The following EDNRA variants were observed in gnomAD, a reference collection of about 807,000 sequenced individuals.
EDNRA encodes endothelin-1 receptor.
EDNRA carries 11 observed loss-of-function variants against 41.4 expected under a neutral mutation model. That is an observed-to-expected ratio of 0.27 (90% CI 0.17 to 0.44). The LOEUF (loss-of-function observed/expected upper bound fraction) is 0.44. Among genes scored for constraint, EDNRA ranks in the 20% least tolerant of loss-of-function variants. The pLI is 1.00. For missense variants in EDNRA, 294 were observed against 531.0 expected, an observed-to-expected ratio of 0.55 and a Z score of 4.39; for synonymous variants, 172 against 183.0, an observed-to-expected ratio of 0.94 and a Z score of 0.49.
chr4:147,530,982 A>T (rs749307979), intron 3 of EDNRA, among the ~76,000 whole-genome samples: 7 of 152,228 alleles, frequency 4.6e-5, no homozygotes, highest in Non-Finnish European at 8.8e-5. Context: ...GGCCACAAAA[A>T]TACCATACCA....
At chr4:147,524,808 C>T (rs777795828) in intron 3 of EDNRA, among the ~76,000 whole-genome samples, 8 of 151,934 alleles carry the variant, frequency 5.3e-5, no homozygotes, top group South Asian at 2.1e-4. Context: ...AGCTTTCACA[C>T]GAGAGAATGA....
intron 5 of EDNRA, among the ~76,000 whole-genome samples, chr4:147,537,430 C>T (rs1248195232): frequency 1.3e-5 from 2 of 152,218 alleles, no homozygotes; most frequent in East Asian, 3.9e-4. Flanking sequence ...ACAATTATTT[C>T]CTCTCATTCT....
At chr4:147,482,080 AG>A (rs897536740) in intron 1 of EDNRA, among the ~76,000 whole-genome samples, 8 of 152,226 alleles carry the variant, frequency 5.3e-5, no homozygotes, top group African/African-American at 1.4e-4. Flanking sequence ...GTTGTCTCTA[AG>A]GAGAGTTGCT....
intron 2 of EDNRA, chr4:147,489,486 A>T (rs1312297522): frequency 6.6e-6 from 1 of 152,238 alleles, no homozygotes; most frequent in Non-Finnish European, 1.5e-5. Context: ...GGCACTATAA[A>T]GTATTCTTCC....
At chr4:147,538,721 G>T (rs928766054) in intron 5 of EDNRA, among the ~76,000 whole-genome samples, 3 of 147,894 alleles carry the variant, frequency 2.0e-5, no homozygotes, top group African/African-American at 7.5e-5. Flanking sequence ...ACTATGAGAG[G>T]TTAAAGAACT....
intron 2 of EDNRA, among the ~76,000 whole-genome samples, chr4:147,505,741 T>C (rs112238921): frequency 0.015 from 2,142 of 143,392 alleles, 54 homozygotes; most frequent in African/African-American, 0.05. Flanking sequence ...CTCCGCCTCC[T>C]GGGTTCACGT....
At chr4:147,533,818 TG>T (rs1486809396) in intron 4 of EDNRA, among the ~76,000 whole-genome samples, 1 of 152,098 alleles carries the variant, frequency 6.6e-6, no homozygotes, top group African/African-American at 2.4e-5. Context: ...CCAGACAAAA[TG>T]AAATGGGCTG....
intron 3 of EDNRA, among the ~76,000 whole-genome samples, chr4:147,522,553 A>G (rs907594027): frequency 5.9e-5 from 9 of 152,096 alleles, no homozygotes; most frequent in African/African-American, 2.2e-4. Flanking sequence ...CAAAAAAAAA[A>G]AAAAATTAGT....
At chr4:147,494,126 C>T (rs1485640112) in intron 2 of EDNRA, 1 of 152,092 alleles carries the variant, frequency 6.6e-6, no homozygotes, top group Non-Finnish European at 1.5e-5. Flanking sequence ...TACTAGAAGG[C>T]AATAAAGATG....
In EDNRA at chr4:147,535,890, T is replaced by G. The variant is rs1242317099; in HGVS notation, c.761T>G (p.Val254Gly). Residue 254 changes from valine to glycine, a missense_variant, in exon 5 of 8, where the codon GTA becomes GGA. This residue lies in a region of EDNRA where 185 missense variants were observed against 390.8 expected (regional missense o/e 0.47). Coordinates refer to ENST00000651419, the MANE Select transcript of EDNRA (RefSeq NM_001957.4). ...TSKFMEFYQD[V>G]KDWWLFGFYF... The stretch of plus-strand genomic sequence containing the variant: ...TTCACTTTGAAGTTCTACCAAGATG[T>G]AAAGGACTGGTGGCTCTTCGGGTTC... 11 of 1,613,554 alleles carry G rather than the reference T, an allele frequency of 6.8e-6. No individual in the cohort carries two copies. The highest frequency in any genetic ancestry group is 8.5e-6 in the Non-Finnish European group (10 of 1,179,812).
chr4:147,513,035 G>A (rs973570578), intron 2 of EDNRA, among the ~76,000 whole-genome samples: 1 of 152,194 alleles, frequency 6.6e-6, no homozygotes, highest in Non-Finnish European at 1.5e-5. Context: ...TTATAGAAGA[G>A]AAAACTAACA....
At chr4:147,528,357 CTT>C (rs755450847) in intron 3 of EDNRA, among the ~76,000 whole-genome samples, 12 of 119,388 alleles carry the variant, frequency 1.0e-4, no homozygotes, top group Non-Finnish European at 1.7e-4. Flanking sequence ...TTCTTGCTTT[CTT>C]TTTTTTTTTT....
chr4:147,523,135 G>C (rs1730384048), intron 3 of EDNRA, among the ~76,000 whole-genome samples: 1 of 152,204 alleles, frequency 6.6e-6, no homozygotes, highest in Admixed American at 6.5e-5. Flanking sequence ...TGGAAGCCAA[G>C]GTTCTATGTA....
At chr4:147,510,369 C>T (rs1033158647) in intron 2 of EDNRA, among the ~76,000 whole-genome samples, 3 of 152,178 alleles carry the variant, frequency 2.0e-5, no homozygotes, top group Admixed American at 2.0e-4. Flanking sequence ...AGAGATACAA[C>T]ATATATCAAA....
At chr4:147,509,776 G>A (rs142858687) in intron 2 of EDNRA, among the ~76,000 whole-genome samples, 2 of 152,102 alleles carry the variant, frequency 1.3e-5, no homozygotes, top group East Asian at 3.9e-4. Flanking sequence ...AACCCTAGAT[G>A]GGACCATCTA....
In EDNRA at chr4:147,544,427, T is replaced by C. The variant is rs1731220411; in HGVS notation, c.*1809T>C. On this transcript the variant is annotated 3_prime_UTR_variant, in exon 8 of 8. Coordinates refer to ENST00000651419, the MANE Select transcript of EDNRA (RefSeq NM_001957.4). The stretch of plus-strand genomic sequence containing the variant: ...TATATTGTTCTTATCCTCAATTCAA[T>C]GTGGTGATGAAATTGCCAGGTTGTC... 1 of 152,724 alleles carries C rather than the reference T, an allele frequency of 6.5e-6. No homozygotes were observed. The highest frequency in any genetic ancestry group is 1.5e-5 in the Non-Finnish European group (1 of 68,040). The allele number at this position is 152,724 out of a possible 1,614,324, so 9.5% of individuals were successfully genotyped here. A position where few individuals can be genotyped will look rare whatever the true frequency, so the allele number is the denominator to read the frequency against.
At chr4:147,513,858 C>T (rs6821368) in intron 2 of EDNRA, among the ~76,000 whole-genome samples, 58,629 of 152,012 alleles carry the variant, frequency 0.39, 16,538 homozygotes, top group African/African-American at 0.81. Flanking sequence ...AGAGGAAAAT[C>T]AGCACAAAGA....
At chr4:147,507,524 G>A (rs1450787290) in intron 2 of EDNRA, among the ~76,000 whole-genome samples, 1 of 152,208 alleles carries the variant, frequency 6.6e-6, no homozygotes, top group Non-Finnish European at 1.5e-5. Flanking sequence ...ATGGTTGCCA[G>A]GGGTTGGGAA....
chr4:147,504,596 G>A (rs539146249), intron 2 of EDNRA, among the ~76,000 whole-genome samples: 4 of 151,722 alleles, frequency 2.6e-5, no homozygotes, highest in African/African-American at 9.7e-5. Flanking sequence ...GATCCATAAG[G>A]AAAAAAAATT....
Sources: gnomAD v4.1 joint callset for allele counts (sites outside exome capture counted in the v4.1 genomes callset) on GRCh38, gnomAD v4.1.1 for gene constraint, gnomAD v4.1.1 regional missense constraint, MANE v1.5 for transcripts, NCBI Gene and HGNC (gene_info 2026-07-23, HGNC 2026-07-21) for gene names.